Variants in WWOX observed in about 807,000 individuals in gnomAD.
WWOX encodes WW domain containing oxidoreductase, also known as WW domain-containing oxidoreductase.
A neutral mutation model predicts 46.2 loss-of-function variants in WWOX; 69 were observed. That is an observed-to-expected ratio of 1.49 (90% CI 1.23 to 1.82). WWOX has a LOEUF of 1.82. Among genes scored for constraint, WWOX ranks in the 40% most tolerant of loss-of-function variants. The pLI, the probability that WWOX is intolerant of heterozygous loss-of-function variation, is 0.00. For missense variants in WWOX, 919 were observed against 542.6 expected, an observed-to-expected ratio of 1.69 and a Z score of -6.89; for synonymous variants, 359 against 202.6, an observed-to-expected ratio of 1.77 and a Z score of -6.56.
chr16:78,258,615 T>C (rs2038193011), intron 5 of WWOX, among the ~76,000 whole-genome samples: 2 of 151,570 alleles, frequency 1.3e-5, no homozygotes, highest in Non-Finnish European at 2.9e-5. Flanking sequence ...AGCCCAGTTG[T>C]TTTTATTCTG....
intron 8 of WWOX, among the ~76,000 whole-genome samples, chr16:78,979,453 G>C (rs147752384): frequency 6.6e-6 from 1 of 152,128 alleles, no homozygotes; most frequent in Non-Finnish European, 1.5e-5. Context: ...CTCCCCCATC[G>C]AGGTGCTCAG....
intron 6 of WWOX, among the ~76,000 whole-genome samples, chr16:78,410,567 T>G (rs991239264): frequency 2.0e-5 from 3 of 152,012 alleles, no homozygotes; most frequent in East Asian, 3.9e-4. Flanking sequence ...CACAGCACTT[T>G]GGGAGGTCGA....
At chr16:78,147,035 AAAC>A (rs1182861932) in intron 4 of WWOX, among the ~76,000 whole-genome samples, 1 of 152,162 alleles carries the variant, frequency 6.6e-6, no homozygotes, top group Non-Finnish European at 1.5e-5. Flanking sequence ...TTAAAGACCA[AAAC>A]AACAATAGTA....
At chr16:78,299,008 G>T (rs1440046740) in intron 5 of WWOX, among the ~76,000 whole-genome samples, 2 of 152,068 alleles carry the variant, frequency 1.3e-5, no homozygotes, top group Non-Finnish European at 2.9e-5. Context: ...CGCCAAAAAG[G>T]ATGAGCTGGG....
intron 8 of WWOX, among the ~76,000 whole-genome samples, chr16:78,654,124 G>A (rs1249961636): frequency 6.6e-6 from 1 of 152,216 alleles, no homozygotes; most frequent in Non-Finnish European, 1.5e-5. Context: ...AAAGGCCAGG[G>A]TCTGGACTCA....
chr16:79,028,522 C>G (rs751306682), intron 8 of WWOX, among the ~76,000 whole-genome samples: 8 of 151,492 alleles, frequency 5.3e-5, no homozygotes, highest in Non-Finnish European at 1.0e-4. Flanking sequence ...CTCCTTCTTC[C>G]TCTCCCTCCC....
At position 78,930,380 on chromosome 16, in the gene WWOX, C is replaced by T. The variant is rs557435464; in HGVS notation, c.1057-281228C>T. Among the ~76,000 whole-genome samples, 96 of 150,914 alleles carry T rather than the reference C, an allele frequency of 6.4e-4. 2 individuals carry two copies. The highest frequency in any genetic ancestry group is 2.7e-4 in the Non-Finnish European group (18 of 67,742). On this transcript the variant is annotated intron_variant, in intron 8 of 8. Transcript: ENST00000566780. ...GCAGCCTCAACCTCCTGGGCTCAGG[C>T]GATCCTCACACCTTAGCCTCCTGAG... is the stretch of plus-strand genomic sequence containing the variant.
At chr16:78,209,892 A>T (rs924215754) in intron 5 of WWOX, among the ~76,000 whole-genome samples, 1 of 152,188 alleles carries the variant, frequency 6.6e-6, no homozygotes, top group African/African-American at 2.4e-5. Flanking sequence ...TCTTTCTCTT[A>T]CATGTAAGTA....
chr16:79,044,533 C>T (rs946300740), intron 8 of WWOX, among the ~76,000 whole-genome samples: 16 of 152,172 alleles, frequency 1.1e-4, no homozygotes, highest in Non-Finnish European at 1.9e-4. Flanking sequence ...GTGCCTGCTC[C>T]GCCTTCTCCT....
At chr16:78,982,826 T>C (rs1434115265) in intron 8 of WWOX, among the ~76,000 whole-genome samples, 1 of 152,232 alleles carries the variant, frequency 6.6e-6, no homozygotes, top group Non-Finnish European at 1.5e-5. Flanking sequence ...ATGAATACCC[T>C]TCTGAGCCCC....
At chr16:78,636,589 T>C (rs1286945632) in intron 8 of WWOX, among the ~76,000 whole-genome samples, 2 of 152,210 alleles carry the variant, frequency 1.3e-5, no homozygotes, top group Non-Finnish European at 2.9e-5. Context: ...TGACCCTCTT[T>C]TCTCTCACTC....
intron 8 of WWOX, among the ~76,000 whole-genome samples, chr16:78,805,147 A>T (rs2050996232): frequency 1.4e-5 from 1 of 71,020 alleles, no homozygotes; most frequent in Non-Finnish European, 3.5e-5. Context: ...TAGATTGTGA[A>T]ATGTTTAAGG....
chr16:78,908,499 C>G (rs1201986931), intron 8 of WWOX, among the ~76,000 whole-genome samples: 1 of 150,840 alleles, frequency 6.6e-6, no homozygotes, highest in Non-Finnish European at 1.5e-5. Flanking sequence ...GAGATCACAC[C>G]ACTGCACTCC....
chr16:78,432,614 G>A lies in WWOX; in HGVS notation c.918G>A (p.Glu306=), dbSNP rs2151386096. Residue 306 remains glutamate, a synonymous_variant, in exon 8 of 9, where the codon GAG becomes GAA. Transcript: ENST00000566780. ...TCTGCAACATCCTCTTCTCCAACGA[G>A]CTGCACCGTCGCCTCTCCCCACGCG... is the stretch of plus-strand genomic sequence containing the variant. ...SKLCNILFSN[E]LHRRLSPRGV... is the part of the protein sequence containing the mutation. The A allele has an allele frequency of 1.2e-6, 2 of 1,614,212 alleles. No individual in the cohort carries two copies. The highest frequency in any genetic ancestry group is 1.1e-5 in the South Asian group (1 of 91,080).
At chr16:79,183,775 C>T (rs1305845633) in intron 8 of WWOX, among the ~76,000 whole-genome samples, 1 of 152,172 alleles carries the variant, frequency 6.6e-6, no homozygotes, top group Admixed American at 6.5e-5. Flanking sequence ...AAAGTTAAAT[C>T]ATCTGCCCTA....
intron 8 of WWOX, among the ~76,000 whole-genome samples, chr16:79,136,219 C>G (rs1485447607): frequency 2.0e-5 from 3 of 151,646 alleles, no homozygotes; most frequent in African/African-American, 7.3e-5. Context: ...AACTGGCATA[C>G]TGATGTCACT....
intron 7 of WWOX, among the ~76,000 whole-genome samples, chr16:78,426,112 C>T (rs2083071497): frequency 6.6e-6 from 1 of 152,090 alleles, no homozygotes; most frequent in South Asian, 2.1e-4. Context: ...AAGGTAAATG[C>T]CAGTAATAAT....
At chr16:78,542,458 AT>A (rs1398896318) in intron 8 of WWOX, among the ~76,000 whole-genome samples, 1 of 152,002 alleles carries the variant, frequency 6.6e-6, no homozygotes, top group Non-Finnish European at 1.5e-5. Context: ...TTGGTCCCAG[AT>A]TTTTTTTGTT....
chr16:78,475,460 G>T (rs13336293), intron 8 of WWOX, among the ~76,000 whole-genome samples: 21,115 of 152,162 alleles, frequency 0.14, 1,600 homozygotes, highest in Non-Finnish European at 0.17. Flanking sequence ...AGAGAATAAG[G>T]TGTTGGTTTG....
Sources: gnomAD v4.1 joint callset for allele counts (sites outside exome capture counted in the v4.1 genomes callset) on GRCh38, gnomAD v4.1.1 for gene constraint, MANE v1.5 for transcripts, NCBI Gene and HGNC (gene_info 2026-07-23, HGNC 2026-07-21) for gene names.